SLC20A2: variants seen among roughly 807,000 people sequenced by gnomAD.
SLC20A2 encodes the protein solute carrier family 20 member 2.
A neutral mutation model predicts 61.0 loss-of-function variants in SLC20A2; 30 were observed. The ratio of observed to expected loss-of-function variants is 0.49; its 90% CI spans 0.37 to 0.67. The LOEUF (loss-of-function observed/expected upper bound fraction) is 0.67, where lower values mean the gene tolerates loss of function less well. Among genes scored for constraint, SLC20A2 ranks in the 30% least tolerant of loss-of-function variants. The pLI is 0.00. For synonymous variants in SLC20A2, 351 were observed against 353.3 expected (o/e 0.99, Z 0.07); for missense variants, 626 against 866.4 (o/e 0.72, Z 3.48).
At chr8:42,449,210 G>A (rs1362770337) in intron 5 of SLC20A2, among the ~76,000 whole-genome samples, 2 of 152,164 alleles carry the variant, frequency 1.3e-5, no homozygotes, top group African/African-American at 4.8e-5. Flanking sequence ...ACATACTGGG[G>A]CACAGCCTCA....
In SLC20A2 at chr8:42,428,834, G is replaced by A. The variant is rs1457119601; in HGVS notation, c.1718C>T (p.Thr573Met). Residue 573 changes from threonine to methionine, a missense_variant, in exon 10 of 11, where the codon ACG (threonine) becomes ATG (methionine). Physicochemically the swap from Thr to Met is moderately conservative, Grantham distance 81. Coordinates refer to ENST00000520262, the MANE Select transcript of SLC20A2 (RefSeq NM_001257180.2). ...TGTGAAGGCTGAGGCCAGCTCGATCGTGAAGCCGCTGTGGGGGGAGCATGA... is the reference window on the plus strand; with the variant it reads ...TGTGAAGGCTGAGGCCAGCTCGATCATGAAGCCGCTGTGGGGGGAGCATGA... ...LTPITPSSGFTIELASAFTVV... is the reference protein window; with the variant it reads ...LTPITPSSGFMIELASAFTVV... 1.3e-6 allele frequency: 2 copies of A among 1,598,020 alleles called. No homozygotes were observed. The highest frequency in any genetic ancestry group is 1.7e-6 in the Non-Finnish European group (2 of 1,172,674).
upstream of SLC20A2, among the ~76,000 whole-genome samples, chr8:42,502,069 T>C (rs905484612): frequency 1.2e-4 from 18 of 152,224 alleles, no homozygotes; most frequent in African/African-American, 3.4e-4. Context: ...TGACATATTT[T>C]GCTCTTATTG....
At chr8:42,482,585 C>G (rs931499693) in intron 1 of SLC20A2, among the ~76,000 whole-genome samples, 2 of 152,132 alleles carry the variant, frequency 1.3e-5, no homozygotes, top group Non-Finnish European at 2.9e-5. Context: ...CCCATCCCTA[C>G]TAAAAATACA....
intron 10 of SLC20A2, among the ~76,000 whole-genome samples, chr8:42,427,666 TGGA>T (rs1322702016): frequency 6.6e-6 from 1 of 152,214 alleles, no homozygotes; most frequent in African/African-American, 2.4e-5. Flanking sequence ...TCTTCATGCG[TGGA>T]GCCCCAGCTT....
chr8:42,507,839 C>T (rs1424151769), intron 1 of SLC20A2, among the ~76,000 whole-genome samples: 3 of 152,130 alleles, frequency 2.0e-5, no homozygotes, highest in Non-Finnish European at 2.9e-5. Flanking sequence ...GGAACATAAG[C>T]AAAGAAGAGG....
chr8:42,519,009 C>T (rs954596668), intron 1 of SLC20A2, among the ~76,000 whole-genome samples: 12 of 152,178 alleles, frequency 7.9e-5, no homozygotes, highest in Non-Finnish European at 1.8e-4. Flanking sequence ...CTATGTGGAA[C>T]GCACAGTAGT....
intron 1 of SLC20A2, among the ~76,000 whole-genome samples, chr8:42,475,733 G>C (rs892831827): frequency 6.6e-6 from 1 of 151,866 alleles, no homozygotes; most frequent in Non-Finnish European, 1.5e-5. Context: ...TCTGGCTGCA[G>C]TGTGGCGACC....
intron 5 of SLC20A2, among the ~76,000 whole-genome samples, chr8:42,455,517 G>A (rs1014867835): frequency 1.2e-4 from 18 of 151,574 alleles, no homozygotes; most frequent in South Asian, 2.1e-4. Context: ...AAAATTAGCC[G>A]GGTGTGGTGG....
intron 1 of SLC20A2, among the ~76,000 whole-genome samples, chr8:42,533,654 C>CTTTTTTTTTTTTTTTTTT (rs1162369065): frequency 2.5e-4 from 14 of 55,306 alleles, no homozygotes; most frequent in East Asian, 5.2e-4. Flanking sequence ...ATCAACTGTT[C>CTTTTTTTTTTTTTTTTTT]TTTTTTTTTT....
intron 1 of SLC20A2, among the ~76,000 whole-genome samples, chr8:42,495,742 A>G (rs1809872906): frequency 1.3e-5 from 2 of 150,288 alleles, no homozygotes; most frequent in South Asian, 4.2e-4. Flanking sequence ...GATTCTACAG[A>G]TCCCTCCCCC....
chr8:42,435,236 C>T (rs555812328), intron 8 of SLC20A2, among the ~76,000 whole-genome samples: 52 of 152,278 alleles, frequency 3.4e-4, no homozygotes, highest in African/African-American at 1.1e-3. Flanking sequence ...TCATCTGCAG[C>T]GAGACTTCTT....
chr8:42,464,199 T>C (rs565240275), intron 3 of SLC20A2, among the ~76,000 whole-genome samples: 24 of 142,636 alleles, frequency 1.7e-4, no homozygotes, highest in African/African-American at 5.2e-4. Context: ...CCTCAACCTC[T>C]GAGGTACAAG....
intron 1 of SLC20A2, among the ~76,000 whole-genome samples, chr8:42,495,876 A>G (rs577705173): frequency 6.6e-6 from 1 of 151,966 alleles, no homozygotes; most frequent in Non-Finnish European, 1.5e-5. Context: ...CAGCCTCCCA[A>G]GTAGCTGGGA....
chr8:42,490,408 G>A (rs1809423392), intron 1 of SLC20A2, among the ~76,000 whole-genome samples: 1 of 152,084 alleles, frequency 6.6e-6, no homozygotes, highest in Non-Finnish European at 1.5e-5. Context: ...GACCAGCCTG[G>A]CCAAAATGGT....
intron 10 of SLC20A2, chr8:42,419,570 TAAATA>T (rs1013546393): frequency 4.6e-4 from 105 of 230,326 alleles, no homozygotes; most frequent in Non-Finnish European, 2.1e-4. Flanking sequence ...AAATAAAAAA[TAAATA>T]AAATAAAATG....
chr8:42,487,334 C>T (rs1809110527), intron 1 of SLC20A2, among the ~76,000 whole-genome samples: 1 of 151,946 alleles, frequency 6.6e-6, no homozygotes, highest in Non-Finnish European at 1.5e-5. Flanking sequence ...CCCGCGACCA[C>T]ACCTGGCTAA....
At chr8:42,525,581 C>CA (rs34356863) in intron 1 of SLC20A2, among the ~76,000 whole-genome samples, 2,517 of 68,344 alleles carry the variant, frequency 0.037, 104 homozygotes, top group African/African-American at 0.1. Flanking sequence ...GACTCTGTCT[C>CA]AAAAAAAAAA....
At chr8:42,469,923 G>A (rs556395357) in intron 2 of SLC20A2, among the ~76,000 whole-genome samples, 19 of 146,352 alleles carry the variant, frequency 1.3e-4, no homozygotes, top group East Asian at 1.0e-3. Flanking sequence ...GCGAGATTCC[G>A]TCTCAAAAAA....
At chr8:42,464,123 T>TTTTTTTTTTTTTTTTTG in intron 3 of SLC20A2, among the ~76,000 whole-genome samples, 1 of 116,958 alleles carries the variant, frequency 8.6e-6, no homozygotes, top group South Asian at 2.8e-4. Flanking sequence ...TTTTTTTTTT[T>TTTTTTTTTTTTTTTTTG]GAGACAGGGT....
Sources: allele counts gnomAD v4.1 joint callset (sites outside exome capture counted in the v4.1 genomes callset), GRCh38; gene constraint gnomAD v4.1.1; transcripts MANE v1.5; gene names NCBI Gene and HGNC (gene_info 2026-07-23, HGNC 2026-07-21).